The following ACYP2 variants were observed in gnomAD, a reference collection of about 807,000 sequenced individuals.
ACYP2 encodes the protein acylphosphatase 2, also known as acylphosphatase-2.
ACYP2 carries 12 observed loss-of-function variants against 11.2 expected under a neutral mutation model. The ratio of observed to expected loss-of-function variants is 1.08; its 90% CI spans 0.69 to 1.74. The LOEUF is 1.74. Ranked by LOEUF, ACYP2 falls within the 40% of genes most tolerant of loss-of-function variation. The pLI, the probability that ACYP2 is intolerant of heterozygous loss-of-function variation, is 0.00. For synonymous variants in ACYP2, 43 were observed against 32.2 expected (o/e 1.33, Z -1.13); for missense variants, 134 against 101.9 (o/e 1.31, Z -1.35).
chr2:54,266,367 A>G (rs1419155786), intron 6 of ACYP2, among the ~76,000 whole-genome samples: 1 of 152,096 alleles, frequency 6.6e-6, no homozygotes, highest in Non-Finnish European at 1.5e-5. Flanking sequence ...AAACTCTCAA[A>G]AGCATTCTTG....
intron 6 of ACYP2, among the ~76,000 whole-genome samples, chr2:54,207,466 A>C (rs1685124311): frequency 6.6e-6 from 1 of 152,188 alleles, no homozygotes; most frequent in East Asian, 1.9e-4. Context: ...TGCTTTACTT[A>C]AATTCAACTG....
intron 6 of ACYP2, among the ~76,000 whole-genome samples, chr2:54,303,513 GA>G (rs1201960668): frequency 6.6e-6 from 1 of 152,142 alleles, no homozygotes; most frequent in African/African-American, 2.4e-5. Context: ...TTCAACACAT[GA>G]AATTTTCATT....
At chr2:54,100,969 C>T (rs781071463) in intron 4 of ACYP2, among the ~76,000 whole-genome samples, 1 of 152,162 alleles carries the variant, frequency 6.6e-6, no homozygotes, top group South Asian at 2.1e-4. Flanking sequence ...TTGGGCTAAG[C>T]CTTCTTGGAA....
intron 1 of ACYP2, among the ~76,000 whole-genome samples, chr2:53,971,662 G>A (rs754893982): frequency 3.3e-5 from 5 of 152,168 alleles, no homozygotes; most frequent in Non-Finnish European, 7.3e-5. Flanking sequence ...ACAAGATAAT[G>A]CTCTTAATTG....
At chr2:54,186,644 G>C (rs1684014174) in intron 6 of ACYP2, among the ~76,000 whole-genome samples, 2 of 152,026 alleles carry the variant, frequency 1.3e-5, no homozygotes, top group Non-Finnish European at 2.9e-5. Context: ...CTCCCGAGTA[G>C]CTGGGATTAC....
At chr2:54,303,320 C>T (rs1689799207) in intron 6 of ACYP2, among the ~76,000 whole-genome samples, 1 of 152,122 alleles carries the variant, frequency 6.6e-6, no homozygotes, top group South Asian at 2.1e-4. Context: ...CACTGCACTC[C>T]AGCCTGGGTG....
Position 54,301,065 on chromosome 2 carries a change from T to C in ACYP2, c.405-3623T>C, listed in dbSNP as rs528484390. Among the ~76,000 whole-genome samples the C allele has an allele frequency of 2.6e-5, 4 of 152,348 alleles. No individual in the cohort carries two copies. The East Asian group carries it at 7.7e-4, about 29-fold the overall frequency. On this transcript the variant is annotated intron_variant, in intron 6 of 6. Coordinates refer to ENST00000607452, the MANE Select transcript of ACYP2 (RefSeq NM_001320586.2). ...TGCACGGCCATACATATTGGTAATA[T>C]ACCATATGCCATACGTATATTAATT...
intron 2 of ACYP2, among the ~76,000 whole-genome samples, chr2:54,039,819 T>TTGTGTGTG (rs751604890): frequency 0.061 from 7,677 of 126,558 alleles, 290 homozygotes; most frequent in Admixed American, 0.08. Flanking sequence ...TTGTTTTCTT[T>TTGTGTGTG]TGTGTGTGTG....
At chr2:54,278,197 C>G (rs539425191) in intron 6 of ACYP2, among the ~76,000 whole-genome samples, 98 of 152,300 alleles carry the variant, frequency 6.4e-4, no homozygotes, top group African/African-American at 2.3e-3. Flanking sequence ...CCAGGATGGT[C>G]TCAATCTCCT....
intron 3 of ACYP2, chr2:54,051,185 C>G (rs1675848449): frequency 1.4e-6 from 1 of 725,544 alleles, no homozygotes; most frequent in African/African-American, 1.7e-5. Flanking sequence ...GCGACTCTGC[C>G]TCACTGAGGA....
intron 6 of ACYP2, among the ~76,000 whole-genome samples, chr2:54,193,916 T>C (rs1192972149): frequency 1.3e-5 from 2 of 152,224 alleles, no homozygotes; most frequent in African/African-American, 4.8e-5. Context: ...TTAAACATTA[T>C]AGAGTAAAAT....
intron 2 of ACYP2, among the ~76,000 whole-genome samples, chr2:54,023,636 G>A (rs554477941): frequency 2.0e-4 from 30 of 152,088 alleles, no homozygotes; most frequent in South Asian, 1.9e-3. Context: ...TTTCATGGGC[G>A]TACTGCATTT....
At chr2:54,054,766 C>A (rs1676032898) in intron 3 of ACYP2, among the ~76,000 whole-genome samples, 1 of 152,164 alleles carries the variant, frequency 6.6e-6, no homozygotes, top group Non-Finnish European at 1.5e-5. Context: ...GAACATATAA[C>A]TCATCTGAAT....
At chr2:54,167,769 T>C (rs560509429) in intron 6 of ACYP2, among the ~76,000 whole-genome samples, 2 of 152,342 alleles carry the variant, frequency 1.3e-5, no homozygotes, top group South Asian at 4.1e-4. Flanking sequence ...TACTTTGGGC[T>C]TTTATAAACA....
At chr2:54,213,888 C>T (rs1685442645) in intron 6 of ACYP2, among the ~76,000 whole-genome samples, 1 of 152,130 alleles carries the variant, frequency 6.6e-6, no homozygotes, top group South Asian at 2.1e-4. Context: ...CTGCCTCAGC[C>T]TCCCAAGTAG....
At chr2:53,984,358 A>G (rs905995187) in intron 2 of ACYP2, among the ~76,000 whole-genome samples, 4 of 151,976 alleles carry the variant, frequency 2.6e-5, no homozygotes, top group Non-Finnish European at 5.9e-5. Flanking sequence ...CAGGTGCATC[A>G]CCTGAGGTCA....
chr2:54,021,010 C>G (rs1362951174), intron 2 of ACYP2, among the ~76,000 whole-genome samples: 1 of 152,166 alleles, frequency 6.6e-6, no homozygotes, highest in African/African-American at 2.4e-5. Flanking sequence ...ACAGATGGAG[C>G]AATGGCGAGA....
intron 5 of ACYP2, among the ~76,000 whole-genome samples, chr2:54,137,837 A>G (rs1191183940): frequency 6.6e-6 from 1 of 152,182 alleles, no homozygotes; most frequent in East Asian, 1.9e-4. Flanking sequence ...TTCTGTTTTT[A>G]GCTCTTTGAG....
intron 2 of ACYP2, among the ~76,000 whole-genome samples, chr2:54,033,470 C>T (rs955000230): frequency 6.6e-6 from 1 of 152,014 alleles, no homozygotes; most frequent in South Asian, 2.1e-4. Context: ...GTCTCAGCCT[C>T]CCAGTGAATT....
Sources: gnomAD v4.1 joint callset for allele counts (sites outside exome capture counted in the v4.1 genomes callset) on GRCh38, gnomAD v4.1.1 for gene constraint, MANE v1.5 for transcripts, NCBI Gene and HGNC (gene_info 2026-07-23, HGNC 2026-07-21) for gene names.